Variants in METTL9 observed in about 807,000 individuals in gnomAD.
The protein encoded by METTL9 is methyltransferase 9, His-X-His N1(pi)-histidine.
In METTL9, 10 loss-of-function variants were observed where a neutral mutation model predicts 36.0. The observed-to-expected ratio is 0.28, with a 90% confidence interval of 0.17 to 0.47. METTL9 has a LOEUF of 0.47. METTL9 is among the 20% of genes least tolerant of loss of function. METTL9 has a pLI of 0.99. For missense variants in METTL9, 246 were observed against 383.5 expected, an observed-to-expected ratio of 0.64 and a Z score of 3.00; for synonymous variants, 175 against 149.7, an observed-to-expected ratio of 1.17 and a Z score of -1.23.
chr16:21,619,053 T>C (rs2152894851), intron 3 of METTL9, among the ~76,000 whole-genome samples: 1 of 152,282 alleles, frequency 6.6e-6, no homozygotes, highest in East Asian at 1.9e-4. Flanking sequence ...CCACATTTTG[T>C]TTACCCATTT....
At chr16:21,635,450 T>A (rs1251406110) in intron 4 of METTL9, among the ~76,000 whole-genome samples, 1 of 152,062 alleles carries the variant, frequency 6.6e-6, no homozygotes, top group Non-Finnish European at 1.5e-5. Flanking sequence ...TCCTGTGGGA[T>A]GTAAATTGCA....
At chr16:21,601,262 TAG>T (rs1333284252) in intron 1 of METTL9, among the ~76,000 whole-genome samples, 4 of 152,174 alleles carry the variant, frequency 2.6e-5, no homozygotes, top group African/African-American at 7.2e-5. Flanking sequence ...TTCATTCTTA[TAG>T]AGACAACTCA....
intron 3 of METTL9, among the ~76,000 whole-genome samples, chr16:21,618,590 A>G (rs925107358): frequency 1.3e-5 from 2 of 152,176 alleles, no homozygotes; most frequent in Non-Finnish European, 2.9e-5. Context: ...GAATTTGACT[A>G]TTCTGGGTAT....
At chr16:21,645,130 C>T (rs1044530090) in intron 4 of METTL9, among the ~76,000 whole-genome samples, 3 of 152,196 alleles carry the variant, frequency 2.0e-5, no homozygotes, top group African/African-American at 7.2e-5. Context: ...TACTTACTGT[C>T]TGAATAGCCT....
upstream of METTL9, chr16:21,598,135 G>A (rs1434671104): frequency 6.6e-6 from 1 of 152,242 alleles, no homozygotes; most frequent in East Asian, 1.9e-4. Flanking sequence ...CGGATCACGA[G>A]GTCAAGAGAT....
chr16:21,635,814 C>G (rs1475336132), intron 4 of METTL9, among the ~76,000 whole-genome samples: 1 of 152,150 alleles, frequency 6.6e-6, no homozygotes, highest in Non-Finnish European at 1.5e-5. Flanking sequence ...GCCCAAGAAC[C>G]TGCAGCAGTC....
chr16:21,621,149 A>AGAGTGT lies in METTL9; in HGVS notation c.566+3076_566+3077insAGTGTG, dbSNP rs1555489994. Among the ~76,000 whole-genome samples the AGAGTGT allele has an allele frequency of 3.3e-3, 477 of 144,696 alleles. 4 individuals carry two copies. The highest frequency in any genetic ancestry group is 0.011 in the African/African-American group (442 of 39,388). The allele number at this position is 144,696 out of a possible 152,430, so 94.9% of individuals were successfully genotyped here. A position where few individuals can be genotyped will look rare whatever the true frequency, so the allele number is the denominator to read the frequency against. ...CATATCTGGCTAATTTGAGAGAGAG[A>AGAGTGT]GTGTGTGTGTGTGTGTGTGTGTGTG... On this transcript the variant is annotated intron_variant, in intron 3 of 4. Transcript: ENST00000358154.
At chr16:21,641,523 T>A in intron 4 of METTL9, 1 of 1,554,824 alleles carries the variant, frequency 6.4e-7, no homozygotes, top group Non-Finnish European at 8.8e-7. Flanking sequence ...TCATTGAAAA[T>A]TAAAACGTTT....
upstream of METTL9, among the ~76,000 whole-genome samples, chr16:21,598,784 C>T (rs1965013883): frequency 6.6e-6 from 1 of 152,182 alleles, no homozygotes; most frequent in Admixed American, 6.5e-5. Flanking sequence ...TGTGCTAATT[C>T]AAGGAAACAA....
At chr16:21,625,854 ATTTAT>A (rs1965803422) in intron 4 of METTL9, among the ~76,000 whole-genome samples, 1 of 152,148 alleles carries the variant, frequency 6.6e-6, no homozygotes, top group Non-Finnish European at 1.5e-5. Context: ...ATATAAAATT[ATTTAT>A]TTTATGAATA....
chr16:21,599,490 G>C, upstream of METTL9: 1 of 1,205,664 alleles, frequency 8.3e-7, no homozygotes, highest in Non-Finnish European at 1.0e-6. This position sits in a 1 kb window ranked among gnomAD's most constrained non-coding sequence, Gnocchi z 4.4. Flanking sequence ...GCTCGTAAGT[G>C]CTCCGGATGG....
chr16:21,629,588 G>A (rs1190246840), intron 4 of METTL9, among the ~76,000 whole-genome samples: 1 of 152,168 alleles, frequency 6.6e-6, no homozygotes, highest in Non-Finnish European at 1.5e-5. Context: ...GTGGGTTCCT[G>A]GTCTTGCTGG....
At chr16:21,634,241 C>T (rs573145301) in intron 4 of METTL9, among the ~76,000 whole-genome samples, 1 of 152,076 alleles carries the variant, frequency 6.6e-6, no homozygotes, top group South Asian at 2.1e-4. Flanking sequence ...TCCTGGCACT[C>T]AATAGTTAAG....
At chr16:21,632,472 G>A (rs1467084002) in intron 4 of METTL9, among the ~76,000 whole-genome samples, 1 of 152,092 alleles carries the variant, frequency 6.6e-6, no homozygotes, top group Non-Finnish European at 1.5e-5. Flanking sequence ...ATTAGCTAGG[G>A]GGCCTTCTAA....
intron 4 of METTL9, chr16:21,647,260 T>C (rs1314206515): frequency 6.2e-7 from 1 of 1,614,170 alleles, no homozygotes; most frequent in East Asian, 2.2e-5. Flanking sequence ...TGAGGGAAAC[T>C]TGGTTTTCTT....
intron 4 of METTL9, among the ~76,000 whole-genome samples, chr16:21,644,917 C>T (rs987564964): frequency 2.6e-5 from 4 of 152,302 alleles, no homozygotes; most frequent in South Asian, 4.1e-4. Context: ...GTGCTCACTG[C>T]GTGCTTGAAA....
At chr16:21,599,569 G>A (rs1262330513), upstream of METTL9, 116 of 1,285,480 alleles carry the variant, frequency 9.0e-5, no homozygotes, top group Non-Finnish European at 1.1e-4. The surrounding 1 kb of genome is among the most constrained non-coding windows in gnomAD (Gnocchi z 4.4). Flanking sequence ...GCTGCGCGCC[G>A]GCTGCTCCTC....
intron 2 of METTL9, 34 bp downstream of exon 2, chr16:21,612,869 A>T (rs1244706468): frequency 6.6e-7 from 1 of 1,515,502 alleles, no homozygotes; most frequent in Non-Finnish European, 8.8e-7. Context: ...TTTTTTCTTT[A>T]TCCTTAGGTT....
upstream of METTL9, chr16:21,599,491 C>T (rs1377696442): frequency 1.7e-6 from 2 of 1,207,656 alleles, no homozygotes; most frequent in East Asian, 3.8e-5. The surrounding 1 kb of genome is among the most constrained non-coding windows in gnomAD (Gnocchi z 4.4). Flanking sequence ...CTCGTAAGTG[C>T]TCCGGATGGA....
Sources: gnomAD v4.1 joint callset for allele counts (sites outside exome capture counted in the v4.1 genomes callset) on GRCh38, gnomAD v4.1.1 for gene constraint, Gnocchi (gnomAD v3.1) non-coding constraint, MANE v1.5 for transcripts, NCBI Gene and HGNC (gene_info 2026-07-23, HGNC 2026-07-21) for gene names.